Variants in BOC observed in about 807,000 individuals in gnomAD.
BOC encodes the protein BOC cell adhesion associated, oncogene regulated.
BOC carries 76 observed loss-of-function variants against 112.0 expected under a neutral mutation model. That is an observed-to-expected ratio of 0.68 (90% CI 0.56 to 0.82). The LOEUF (loss-of-function observed/expected upper bound fraction) is 0.82, where lower values mean the gene tolerates loss of function less well. BOC is among the 40% of genes least tolerant of loss of function. The pLI is 0.00. For missense variants in BOC, 1,309 were observed against 1,511.7 expected (o/e 0.87, Z 2.22); for synonymous variants, 580 against 599.8 (o/e 0.97, Z 0.48).
At chr3:113,251,206 C>A (rs1945599607) in intron 4 of BOC, 2 of 457,456 alleles carry the variant, frequency 4.4e-6, no homozygotes. Context: ...ACACACCTTC[C>A]AGTCCCCTCC....
chr3:113,260,643 G>A (rs972304804), intron 4 of BOC, among the ~76,000 whole-genome samples: 1 of 123,730 alleles, frequency 8.1e-6, no homozygotes, highest in Admixed American at 8.7e-5. Context: ...ATCAGCAGTG[G>A]CATTAGATTC....
Position 113,245,715 on chromosome 3 carries a change from G to C in BOC, c.-81-4007G>C, listed in dbSNP as rs568502144. On this transcript the variant is annotated intron_variant, in intron 2 of 19. Coordinates refer to ENST00000682979, the MANE Select transcript of BOC (RefSeq NM_001378074.1). ...GTCCCTCTCTACCAATGGAACAAAA[G>C]ACTTTGTCAGATCGTATTCTTGCCA... 3.9e-5 allele frequency among the ~76,000 whole-genome samples: 6 copies of C among 152,306 alleles called. No individual in the cohort carries two copies. In the South Asian group the frequency reaches 1.2e-3, roughly 32 times the overall value.
intron 4 of BOC, among the ~76,000 whole-genome samples, chr3:113,259,893 G>A (rs1559853013): frequency 6.6e-6 from 1 of 152,140 alleles, no homozygotes; most frequent in Non-Finnish European, 1.5e-5. Context: ...TGGTCCCTCA[G>A]CTGGCAGCAT....
chr3:113,228,494 A>G (rs1942045989), intron 2 of BOC, among the ~76,000 whole-genome samples: 1 of 152,180 alleles, frequency 6.6e-6, no homozygotes, highest in Admixed American at 6.5e-5. Context: ...CAGGATTATG[A>G]GAATGAAGAC....
intron 7 of BOC, 49 bp from the exon 8 acceptor site, chr3:113,273,020 T>C: frequency 6.4e-7 from 1 of 1,560,852 alleles, no homozygotes; most frequent in Non-Finnish European, 8.7e-7. Context: ...CATCTGGCCC[T>C]GGGACAGAAA....
chr3:113,261,963 C>T (rs1946929410), intron 4 of BOC: 1 of 150,760 alleles, frequency 6.6e-6, no homozygotes, highest in Non-Finnish European at 1.5e-5. Context: ...TTGGCATCTA[C>T]AAAGGTTTGT....
intron 12 of BOC, 168 bp from the exon 13 acceptor site, chr3:113,279,656 C>T: frequency 1.2e-6 from 1 of 850,642 alleles, no homozygotes; most frequent in Non-Finnish European, 1.8e-6. Flanking sequence ...AGCCATCTCC[C>T]CTGCAGCTCA....
chr3:113,270,537 TAA>T (rs1296057382), intron 5 of BOC: 1 of 445,068 alleles, frequency 2.2e-6, no homozygotes, highest in Non-Finnish European at 4.0e-6. Flanking sequence ...ACCTATGCAC[TAA>T]GTTGTGGCAG....
At position 113,243,017 on chromosome 3, in the gene BOC, T is replaced by C. The variant is rs1026212327; in HGVS notation, c.-81-6705T>C. Among the ~76,000 whole-genome samples the C allele has an allele frequency of 2.0e-5, 3 of 152,214 alleles. No homozygotes were observed. The South Asian group carries it at 6.2e-4, about 32-fold the overall frequency. On this transcript the variant is annotated intron_variant, in intron 2 of 19. Coordinates refer to ENST00000682979, the MANE Select transcript of BOC (RefSeq NM_001378074.1). ...TCGGTCTGTACATGAGGTTGTCATG[T>C]GTCACAACAGTGTCCCAGGCATCTC...
intron 2 of BOC, among the ~76,000 whole-genome samples, chr3:113,244,443 C>T (rs959005053): frequency 2.6e-5 from 4 of 152,092 alleles, no homozygotes; most frequent in Non-Finnish European, 5.9e-5. Flanking sequence ...AACATCAAAC[C>T]GTTGTTTTTT....
rs751259473 is a variant in BOC at position 113,270,823 on chromosome 3, A to C, written c.546A>C (p.Ser182=). 1.9e-6 allele frequency: 3 copies of C among 1,613,360 alleles called. No homozygotes were observed. The South Asian group carries it at 3.3e-5, about 18-fold the overall frequency. The change falls in exon 6 of 20, where the codon TCA becomes TCC. Residue 182 remains serine (S), a synonymous_variant. Coordinates refer to ENST00000682979, the MANE Select transcript of BOC (RefSeq NM_001378074.1). ...ASRGNYLIMP[S]GNLQIVNASQ... ...CAGGTAACTACCTGATCATGCCCTCAGGGAACCTCCAGATTGTGAATGCCA... is the reference window on the plus strand; with the variant it reads ...CAGGTAACTACCTGATCATGCCCTCCGGGAACCTCCAGATTGTGAATGCCA...
chr3:113,265,517 A>C (rs944483403), intron 4 of BOC, among the ~76,000 whole-genome samples: 2 of 152,170 alleles, frequency 1.3e-5, no homozygotes, highest in East Asian at 3.9e-4. Flanking sequence ...GAGCCTCCTG[A>C]CTTGGCAGGT....
Position 113,274,707 on chromosome 3 carries a change from G to C in BOC, c.1542+25G>C. The C allele has an allele frequency of 6.4e-7, 1 of 1,556,784 alleles. No individual in the cohort carries two copies. The highest frequency in any genetic ancestry group is 2.3e-5 in the East Asian group (1 of 43,756). ...GGTATGGCCCTGGTGTGGGGCTGCT[G>C]CCTCCCCTGCACAGCCTTTCCAGCA... On this transcript the variant is annotated intron_variant, in intron 9 of 19. Coordinates refer to ENST00000682979, the MANE Select transcript of BOC (RefSeq NM_001378074.1). This position sits in a 1 kb window ranked among gnomAD's most constrained non-coding sequence, Gnocchi z 4.8.
intron 4 of BOC, among the ~76,000 whole-genome samples, chr3:113,256,771 A>G (rs4682480): frequency 0.21 from 30,114 of 144,654 alleles, 3,805 homozygotes; most frequent in East Asian, 0.48. Flanking sequence ...GTGTGTGTGT[A>G]TATATATATG....
chr3:113,228,518 C>G (rs1344676988), intron 2 of BOC, among the ~76,000 whole-genome samples: 1 of 152,148 alleles, frequency 6.6e-6, no homozygotes, highest in Non-Finnish European at 1.5e-5. Context: ...ATCTCCAGAC[C>G]CTTTTTCTGG....
At chr3:113,279,178 C>A in intron 11 of BOC, 71 bp from the exon 12 acceptor site, 1 of 1,501,394 alleles carries the variant, frequency 6.7e-7, no homozygotes, top group Non-Finnish European at 9.2e-7. Flanking sequence ...CATACAGCGT[C>A]ATCTCACCCT....
At chr3:113,259,456 C>T (rs755401128) in intron 4 of BOC, among the ~76,000 whole-genome samples, 1 of 152,158 alleles carries the variant, frequency 6.6e-6, no homozygotes, top group Non-Finnish European at 1.5e-5. Context: ...CTTTAAGGAG[C>T]ATGGTGCAAG....
chr3:113,222,286 T>G (rs1001323463), intron 2 of BOC, among the ~76,000 whole-genome samples: 1 of 152,212 alleles, frequency 6.6e-6, no homozygotes, highest in African/African-American at 2.4e-5. Flanking sequence ...GCTCACATTT[T>G]TTTTTCATTT....
At chr3:113,286,124 T>C (rs1001051075) in intron 19 of BOC, among the ~76,000 whole-genome samples, 13 of 152,152 alleles carry the variant, frequency 8.5e-5, no homozygotes, top group African/African-American at 3.1e-4. Flanking sequence ...TCCTTAGAAA[T>C]CAGTGGATAC....
Sources: allele counts gnomAD v4.1 joint callset (sites outside exome capture counted in the v4.1 genomes callset), GRCh38; gene constraint gnomAD v4.1.1; non-coding constraint Gnocchi (gnomAD v3.1); transcripts MANE v1.5; gene names NCBI Gene and HGNC (gene_info 2026-07-23, HGNC 2026-07-21).